Variants in GNAQ observed in about 807,000 individuals in gnomAD.
The protein encoded by GNAQ is G protein subunit alpha q, also known as guanine nucleotide-binding protein G(q) subunit alpha.
In GNAQ, 8 loss-of-function variants were observed where a neutral mutation model predicts 43.9. That is an observed-to-expected ratio of 0.18 (90% CI 0.11 to 0.33). The LOEUF (loss-of-function observed/expected upper bound fraction) is 0.33, where lower values mean the gene tolerates loss of function less well. Ranked by LOEUF, GNAQ falls within the 10% of genes least tolerant of loss-of-function variation. The probability of loss-of-function intolerance (pLI) is 1.00; values close to 1 mark genes in which losing one functional copy is unlikely to be tolerated. For synonymous variants in GNAQ, 155 were observed against 170.7 expected (o/e 0.91, Z 0.71); for missense variants, 158 against 450.8 (o/e 0.35, Z 5.88).
At chr9:77,750,167 A>G (rs151018731) in intron 5 of GNAQ, among the ~76,000 whole-genome samples, 1,873 of 152,076 alleles carry the variant, frequency 0.012, 47 homozygotes, top group African/African-American at 0.042. Flanking sequence ...ATTTTCTTTT[A>G]TAAATACCAA....
At position 77,845,447 on chromosome 9, in the gene GNAQ, A is replaced by G. The variant is rs561632964; in HGVS notation, c.322-29677T>C. Among the ~76,000 whole-genome samples the G allele has an allele frequency of 7.9e-5, 12 of 152,338 alleles. No homozygotes were observed. In the East Asian group the frequency reaches 1.9e-3, roughly 24 times the overall value. ...GAAAAAATGTAGGTTACATTGGTAA[A>G]TATCTGCAGAACACATGAGAAAATC... On this transcript the variant is annotated intron_variant, in intron 2 of 6. Transcript: ENST00000286548.
intron 2 of GNAQ, among the ~76,000 whole-genome samples, chr9:77,819,265 T>C (rs910627060): frequency 6.6e-6 from 1 of 152,138 alleles, no homozygotes; most frequent in African/African-American, 2.4e-5. Flanking sequence ...AACCGCAAGA[T>C]GTGCCAATGT....
intron 2 of GNAQ, among the ~76,000 whole-genome samples, chr9:77,881,510 C>T (rs1828206588): frequency 6.6e-6 from 1 of 152,184 alleles, no homozygotes; most frequent in Admixed American, 6.5e-5. Context: ...CCCCGAGTAG[C>T]TGGGACTACA....
intron 5 of GNAQ, among the ~76,000 whole-genome samples, chr9:77,730,089 C>T (rs1371768270): frequency 6.6e-6 from 1 of 152,142 alleles, no homozygotes; most frequent in Non-Finnish European, 1.5e-5. Flanking sequence ...GGTTTTTAAC[C>T]TCTTGCTCCA....
intron 1 of GNAQ, among the ~76,000 whole-genome samples, chr9:77,957,082 G>A (rs1428940160): frequency 6.6e-6 from 1 of 152,140 alleles, no homozygotes; most frequent in African/African-American, 2.4e-5. Context: ...TAATAGGCTG[G>A]GTGTGGTGGC....
rs527937638 is a variant in GNAQ at position 77,863,161 on chromosome 9, T to C, written c.322-47391A>G. 2.0e-4 allele frequency among the ~76,000 whole-genome samples: 18 copies of C among 88,178 alleles called. No homozygotes were observed. In the South Asian group the frequency reaches 5.2e-3, roughly 25 times the overall value. The allele number at this position is 88,178 out of a possible 152,430, so 57.8% of individuals were successfully genotyped here. On this transcript the variant is annotated intron_variant, in intron 2 of 6. Transcript: ENST00000286548. ...TGTTCTCCAGCCTGGGCAACAAGAA[T>C]GAAACTCCGTATGAAAGAAAGGAAG...
chr9:77,723,928 TA>T (rs1208253089), intron 6 of GNAQ, among the ~76,000 whole-genome samples: 4 of 152,144 alleles, frequency 2.6e-5, no homozygotes, highest in South Asian at 4.1e-4. Flanking sequence ...ATTTTATAAT[TA>T]AAAAAAGTAC....
chr9:77,759,244 G>A (rs986754162), intron 5 of GNAQ, among the ~76,000 whole-genome samples: 1 of 152,086 alleles, frequency 6.6e-6, no homozygotes. Flanking sequence ...ACTACCCAAT[G>A]CAAAAATAAC....
chr9:77,977,525 T>C (rs1376865663), intron 1 of GNAQ, among the ~76,000 whole-genome samples: 1 of 151,874 alleles, frequency 6.6e-6, no homozygotes, highest in African/African-American at 2.4e-5. Flanking sequence ...AAAGTCGAAA[T>C]TTCCCCTTTC....
chr9:77,964,069 G>A (rs1185848832), intron 1 of GNAQ, among the ~76,000 whole-genome samples: 1 of 152,086 alleles, frequency 6.6e-6, no homozygotes, highest in Non-Finnish European at 1.5e-5. Context: ...GGGAAATGAA[G>A]TTAATACTTT....
chr9:78,003,088 A>C (rs2118557256), intron 1 of GNAQ, among the ~76,000 whole-genome samples: 1 of 152,358 alleles, frequency 6.6e-6, no homozygotes. Context: ...TTGATAATGT[A>C]GAGGAAATTT....
At chr9:78,016,375 C>T (rs544241961) in intron 1 of GNAQ, among the ~76,000 whole-genome samples, 1 of 152,202 alleles carries the variant, frequency 6.6e-6, no homozygotes, top group South Asian at 2.1e-4. Flanking sequence ...ATAAAGAAAA[C>T]CATCAAAGTT....
intron 3 of GNAQ, among the ~76,000 whole-genome samples, chr9:77,805,252 T>C (rs1463136930): frequency 1.3e-5 from 2 of 152,102 alleles, no homozygotes; most frequent in South Asian, 2.1e-4. Flanking sequence ...TGGCACAAGA[T>C]TGCTCACTCC....
intron 6 of GNAQ, among the ~76,000 whole-genome samples, chr9:77,721,809 A>C (rs1564090950): frequency 6.6e-6 from 1 of 152,152 alleles, no homozygotes; most frequent in Non-Finnish European, 1.5e-5. Flanking sequence ...ATTGGGAGCC[A>C]CTGTAGGCTC....
chr9:77,971,664 G>A (rs1281833519), intron 1 of GNAQ, among the ~76,000 whole-genome samples: 2 of 152,142 alleles, frequency 1.3e-5, no homozygotes, highest in East Asian at 1.9e-4. Flanking sequence ...CAGACACACC[G>A]CCAATATCAT....
At chr9:77,938,984 C>T (rs535351243) in intron 1 of GNAQ, among the ~76,000 whole-genome samples, 1 of 152,298 alleles carries the variant, frequency 6.6e-6, no homozygotes, top group East Asian at 1.9e-4. Flanking sequence ...TGCCCCTCTG[C>T]AATGTAGCAA....
chr9:77,908,926 C>G (rs754825422), intron 2 of GNAQ, among the ~76,000 whole-genome samples: 56 of 152,318 alleles, frequency 3.7e-4, no homozygotes, highest in Non-Finnish European at 6.0e-4. Flanking sequence ...AGAAGCAATA[C>G]TCTAGAACAC....
intron 1 of GNAQ, among the ~76,000 whole-genome samples, chr9:77,945,723 G>C (rs997380131): frequency 8.5e-5 from 13 of 152,148 alleles, no homozygotes; most frequent in South Asian, 2.1e-4. Context: ...GGATAATATA[G>C]TTAAATTTAT....
At chr9:77,934,209 C>T (rs1455772711) in intron 1 of GNAQ, among the ~76,000 whole-genome samples, 1 of 152,010 alleles carries the variant, frequency 6.6e-6, no homozygotes, top group African/African-American at 2.4e-5. Flanking sequence ...CCAATGAGAG[C>T]TGAGGATGAG....
Sources: allele counts gnomAD v4.1 joint callset (sites outside exome capture counted in the v4.1 genomes callset), GRCh38; gene constraint gnomAD v4.1.1; transcripts MANE v1.5; gene names NCBI Gene and HGNC (gene_info 2026-07-23, HGNC 2026-07-21).